TMEM204: variants seen among roughly 807,000 people sequenced by gnomAD.
The protein encoded by TMEM204 is transmembrane protein 204, also known as claudin-like protein 24.
Under a neutral mutation model 19.4 loss-of-function variants are expected in TMEM204, and 15 were observed. The observed-to-expected ratio is 0.77, with a 90% CI of 0.52 to 1.19. TMEM204 has a LOEUF of 1.19. Ranked by LOEUF, TMEM204 falls within the 50% of genes most tolerant of loss-of-function variation. The pLI, the probability that TMEM204 is intolerant of heterozygous loss-of-function variation, is 0.00. For synonymous variants in TMEM204, 161 were observed against 146.0 expected (o/e 1.10, Z -0.74); for missense variants, 287 against 321.2 (o/e 0.89, Z 0.81).
At chr16:1,531,000 C>T (rs1236720984), upstream of TMEM204, 2 of 152,216 alleles carry the variant, frequency 1.3e-5, no homozygotes, top group Admixed American at 6.5e-5. Flanking sequence ...CCGCCAGAAG[C>T]GTCCAGACCC....
At chr16:1,530,131 A>ATCTTTTTTTTTTTTTTT (rs2030298651), upstream of TMEM204, among the ~76,000 whole-genome samples, 1 of 126,540 alleles carries the variant, frequency 7.9e-6, no homozygotes, top group Non-Finnish European at 1.6e-5. Flanking sequence ...CACGACGGGA[A>ATCTTTTTTTTTTTTTTT]TCTTTTTTTT....
chr16:1,539,955 A>G (rs2031471355), intron 1 of TMEM204, among the ~76,000 whole-genome samples: 2 of 152,120 alleles, frequency 1.3e-5, no homozygotes, highest in African/African-American at 2.4e-5. Flanking sequence ...CCCAGGCCGG[A>G]GCGGGCACAG....
upstream of TMEM204, among the ~76,000 whole-genome samples, chr16:1,529,756 G>A (rs972064641): frequency 6.6e-6 from 1 of 152,194 alleles, no homozygotes; most frequent in African/African-American, 2.4e-5. Flanking sequence ...GGACCCATGC[G>A]TGTAAAACTA....
Position 1,534,001 on chromosome 16 carries a change from G to A in TMEM204, c.-275G>A, listed in dbSNP as rs952224809. ...GGGAAGACGGCGCACTCCTGGCCCTGGGTTCTTGCTGCTGCCCACCCTCTG... is the reference window on the plus strand; with the variant it reads ...GGGAAGACGGCGCACTCCTGGCCCTAGGTTCTTGCTGCTGCCCACCCTCTG... On this transcript the variant is annotated 5_prime_UTR_variant, in exon 1 of 3. Transcript: ENST00000566264. 1 of 489,906 alleles carries A rather than the reference G, an allele frequency of 2.0e-6. No homozygotes were observed. Among genetic ancestry groups the A allele is most frequent in the Non-Finnish European group, 3.6e-6 (1 of 280,786 alleles). The allele number at this position is 489,906 out of a possible 1,614,324, so 30.3% of individuals were successfully genotyped here.
In TMEM204 at chr16:1,545,154, C is replaced by T. The variant is rs2032060172; in HGVS notation, c.436+3078C>T. On this transcript the variant is annotated intron_variant, in intron 2 of 2. Coordinates refer to ENST00000566264, the MANE Select transcript of TMEM204 (RefSeq NM_024600.6). Reference sequence around the variant, plus strand: ...AAACCGAGCTGTCTTACAGCATTCCCGGGGGACAGGGCTGGAGGCCTTCGG... The same window carrying T: ...AAACCGAGCTGTCTTACAGCATTCCTGGGGGACAGGGCTGGAGGCCTTCGG... Among the ~76,000 whole-genome samples the T allele has an allele frequency of 3.3e-5, 5 of 152,218 alleles. No homozygotes were observed. The South Asian group carries it at 6.2e-4, about 19-fold the overall frequency.
intron 1 of TMEM204, among the ~76,000 whole-genome samples, chr16:1,540,245 G>C (rs1485045868): frequency 6.6e-6 from 1 of 152,252 alleles, no homozygotes; most frequent in African/African-American, 2.4e-5. Context: ...AGAGCTTTGA[G>C]GTTATTCTGT....
chr16:1,546,830 GTT>G (rs888887135), intron 2 of TMEM204, among the ~76,000 whole-genome samples: 1 of 152,228 alleles, frequency 6.6e-6, no homozygotes, highest in African/African-American at 2.4e-5. Context: ...CTGTACTTGG[GTT>G]GAGTCATATC....
At chr16:1,549,956 T>C (rs1048052575) in intron 2 of TMEM204, among the ~76,000 whole-genome samples, 3 of 152,186 alleles carry the variant, frequency 2.0e-5, no homozygotes, top group Admixed American at 2.0e-4. Flanking sequence ...TTTATCTACA[T>C]TCTGAGTCTT....
rs1464001094 is a variant in TMEM204, at chr16:1,552,975, C to T, written c.437-1807C>T. 5.1e-6 allele frequency: 5 copies of T among 985,126 alleles called. No homozygotes were observed. In the African/African-American group the frequency reaches 7.0e-5, roughly 14 times the overall value. The allele number at this position is 985,126 out of a possible 1,614,324, so 61.0% of individuals were successfully genotyped here. A position where few individuals can be genotyped will look rare whatever the true frequency, so the allele number is the denominator to read the frequency against. ...GTCTAGAATGTTATTTTTAATAAAA[C>T]AGAAGTATCCAGGAGCTACCCATGT... On this transcript the variant is annotated intron_variant, in intron 2 of 2. Coordinates refer to ENST00000566264, the MANE Select transcript of TMEM204 (RefSeq NM_024600.6).
upstream of TMEM204, chr16:1,528,777 G>A (rs1394709193): frequency 6.6e-6 from 1 of 152,522 alleles, no homozygotes; most frequent in Non-Finnish European, 1.5e-5. Context: ...CGCCCACAGA[G>A]CCCCGAGCCC....
chr16:1,554,170 C>G, intron 2 of TMEM204: 1 of 1,271,056 alleles, frequency 7.9e-7, no homozygotes, highest in South Asian at 1.2e-5. Context: ...AAGGCCCTGG[C>G]CCCATCTCCG....
Position 1,534,485 on chromosome 16 carries a change from A to C in TMEM204, c.210A>C (p.Ala70=). ...SPGARAGQVD[A]HDCEALGWGS... is the part of the protein sequence containing the mutation. ...GGGCCAGAGCCGGCCAGGTGGACGCACATGACTGTGAGGCGCTGGGCTGGG... is the reference window on the plus strand; with the variant it reads ...GGGCCAGAGCCGGCCAGGTGGACGCCCATGACTGTGAGGCGCTGGGCTGGG... Residue 70 remains alanine (A), a synonymous_variant, in exon 1 of 3, where the codon GCA becomes GCC. Transcript: ENST00000566264. 1 of 1,610,472 alleles carries C rather than the reference A, an allele frequency of 6.2e-7. No individual in the cohort carries two copies. Among genetic ancestry groups the C allele is most frequent in the Non-Finnish European group, 8.5e-7 (1 of 1,179,882 alleles).
At chr16:1,541,320 GA>G in intron 1 of TMEM204, 1 of 985,446 alleles carries the variant, frequency 1.0e-6, no homozygotes, top group Non-Finnish European at 1.2e-6. Flanking sequence ...ACCCATGTCT[GA>G]CCCCTGCTCA....
Position 1,554,859 on chromosome 16 carries a change from A to T in TMEM204, c.514A>T (p.Asn172Tyr). Residue 172 changes from asparagine (N) to tyrosine (Y), a missense_variant, in exon 3 of 3, where the codon AAC becomes TAC. Asn to Tyr is a moderately radical substitution (Grantham distance 143). Transcript: ENST00000566264. ...CAACCTGTCCTGGTCCTGCTACCTGAACATTGGCGCCTGCCTTCTGGCCAC... is the reference window on the plus strand; with the variant it reads ...CAACCTGTCCTGGTCCTGCTACCTGTACATTGGCGCCTGCCTTCTGGCCAC... ...YTNLSWSCYL[N>Y]IGACLLATLA... is the part of the protein sequence containing the mutation. 1 of 1,614,212 alleles carries T rather than the reference A, an allele frequency of 6.2e-7. No homozygotes were observed. Among genetic ancestry groups the T allele is most frequent in the Non-Finnish European group, 8.5e-7 (1 of 1,180,040 alleles).
chr16:1,555,151 T>A lies in TMEM204; in HGVS notation c.*125T>A. 7.9e-7 allele frequency: 1 copy of A among 1,264,958 alleles called. No homozygotes were observed. Among genetic ancestry groups the A allele is most frequent in the Non-Finnish European group, 1.1e-6 (1 of 932,180 alleles). 78.4% of individuals were successfully genotyped at this position (1,264,958 alleles called of 1,614,324 possible). Reference sequence around the variant, plus strand: ...AGGCACGGGATGAGTCTGGGTGACCTCTGCGCCATGCGTGCGAGACACGTG... The same window carrying A: ...AGGCACGGGATGAGTCTGGGTGACCACTGCGCCATGCGTGCGAGACACGTG... On this transcript the variant is annotated 3_prime_UTR_variant, in exon 3 of 3. Coordinates refer to ENST00000566264, the MANE Select transcript of TMEM204 (RefSeq NM_024600.6).
chr16:1,541,790 C>T, intron 1 of TMEM204, 131 bp from the exon 2 acceptor site: 1 of 1,135,576 alleles, frequency 8.8e-7, no homozygotes, highest in Non-Finnish European at 1.2e-6. Context: ...GAAGCCACTG[C>T]CCAATGGAGG....
Position 1,551,552 on chromosome 16 carries a change from G to C in TMEM204, c.437-3230G>C, listed in dbSNP as rs191796236. 1.4e-3 allele frequency among the ~76,000 whole-genome samples: 215 copies of C among 152,314 alleles called. No homozygotes were observed. Among genetic ancestry groups the C allele is most frequent in the African/African-American group, 4.9e-3 (204 of 41,562 alleles). On this transcript the variant is annotated intron_variant, in intron 2 of 2. Coordinates refer to ENST00000566264, the MANE Select transcript of TMEM204 (RefSeq NM_024600.6). This position sits in a 1 kb window ranked among gnomAD's most constrained non-coding sequence, Gnocchi z 4.0. ...CAGGATGTGAGTTTCATACAGATCA[G>C]GGTGCAGCGGTGGAGGGAGGGCCGC...
In TMEM204 at chr16:1,541,965, G is replaced by A. The variant is rs746643673; in HGVS notation, c.325G>A (p.Ala109Thr). 16 of 1,610,322 alleles carry A rather than the reference G, an allele frequency of 9.9e-6. No individual in the cohort carries two copies. The Admixed American group carries it at 1.0e-4, about 10-fold the overall frequency. ...MRACNLVATAALTAGQLTFLL... is the reference protein window; with the variant it reads ...MRACNLVATATLTAGQLTFLL... ...CGCCTGCAACCTGGTGGCCACGGCC[G>A]CGCTCACCGCAGGCCAGCTCACCTT... is the stretch of plus-strand genomic sequence containing the variant. The change falls in exon 2 of 3, where the codon GCG becomes ACG. Residue 109 changes from alanine to threonine, a missense_variant. Transcript: ENST00000566264.
chr16:1,548,662 C>T (rs2032376337), intron 2 of TMEM204, among the ~76,000 whole-genome samples: 1 of 152,176 alleles, frequency 6.6e-6, no homozygotes, highest in Non-Finnish European at 1.5e-5. Flanking sequence ...GAATGGAAAA[C>T]TCAAAGGTTT....
Sources: allele counts gnomAD v4.1 joint callset (sites outside exome capture counted in the v4.1 genomes callset), GRCh38; gene constraint gnomAD v4.1.1; non-coding constraint Gnocchi (gnomAD v3.1); transcripts MANE v1.5; gene names NCBI Gene and HGNC (gene_info 2026-07-23, HGNC 2026-07-21).